The following SAV1 variants were observed in gnomAD, a reference collection of about 807,000 sequenced individuals.
The protein encoded by SAV1 is protein salvador homolog 1.
In SAV1, 23 loss-of-function variants were observed where a neutral mutation model predicts 47.3. That is an observed-to-expected ratio of 0.49 (90% CI 0.35 to 0.69). The LOEUF is 0.69. SAV1 is among the 30% of genes least tolerant of loss of function. The pLI is 0.01. For synonymous variants in SAV1, 155 were observed against 159.2 expected (o/e 0.97, Z 0.20); for missense variants, 448 against 457.4 (o/e 0.98, Z 0.19).
chr14:50,648,646 C>T (rs146935162), intron 2 of SAV1, among the ~76,000 whole-genome samples: 7,479 of 151,902 alleles, frequency 0.049, 196 homozygotes, highest in African/African-American at 0.068. Flanking sequence ...GGCGTGGTGG[C>T]GGGCGCCTGT....
chr14:50,666,312 T>C (rs558750424), intron 1 of SAV1, among the ~76,000 whole-genome samples: 6 of 152,248 alleles, frequency 3.9e-5, no homozygotes, highest in African/African-American at 1.2e-4. Context: ...TTCAAAATAG[T>C]AGATAATAGA....
intron 2 of SAV1, among the ~76,000 whole-genome samples, chr14:50,646,768 G>T (rs1285551557): frequency 6.6e-6 from 1 of 151,514 alleles, no homozygotes; most frequent in African/African-American, 2.4e-5. Flanking sequence ...TATACTGAAA[G>T]GCAAAAGAGA....
chr14:50,665,504 G>T lies in SAV1; in HGVS notation c.210C>A (p.Asn70Lys), dbSNP rs768215857. ...GAATTGGAGTTCTAAGGAAACTCTGGTTTCTTGAAACTACATCTCCAGAAG... is the reference window on the plus strand; with the variant it reads ...GAATTGGAGTTCTAAGGAAACTCTGTTTTCTTGAAACTACATCTCCAGAAG... The part of the protein sequence containing the change: ...FSTSGDVVSR[N>K]QSFLRTPIQR... The change falls in exon 2 of 5, where the codon AAC (asparagine) becomes AAA (lysine). Residue 70 changes from asparagine (N) to lysine (K), a missense_variant. Physicochemically the swap from Asn to Lys is moderately conservative, Grantham distance 94. Transcript: ENST00000324679. 3.4e-5 allele frequency: 55 copies of T among 1,613,864 alleles called. No homozygotes were observed. The South Asian group carries it at 5.6e-4, about 16-fold the overall frequency.
intron 3 of SAV1, among the ~76,000 whole-genome samples, chr14:50,641,972 T>C (rs1041191046): frequency 6.6e-5 from 10 of 152,112 alleles, no homozygotes; most frequent in Non-Finnish European, 1.3e-4. Flanking sequence ...TGCCCATCAA[T>C]GGTGGGCTGG....
chr14:50,637,711 T>C (rs2039647883), intron 4 of SAV1: 1 of 148,130 alleles, frequency 6.8e-6, no homozygotes. Context: ...ATCTCCTATG[T>C]CTCCCAGGCT....
intron 3 of SAV1, among the ~76,000 whole-genome samples, chr14:50,641,593 A>G (rs1232797239): frequency 2.6e-5 from 4 of 152,250 alleles, no homozygotes; most frequent in Non-Finnish European, 5.9e-5. Flanking sequence ...GTGGCCAACA[A>G]GCATATGAGA....
intron 4 of SAV1, among the ~76,000 whole-genome samples, chr14:50,640,438 A>G (rs1352845934): frequency 6.6e-6 from 1 of 152,136 alleles, no homozygotes; most frequent in East Asian, 1.9e-4. Context: ...TACTTTTATC[A>G]CAAGTACTGT....
Position 50,635,107 on chromosome 14 carries a change from G to A in SAV1, c.*76C>T. On this transcript the variant is annotated 3_prime_UTR_variant, in exon 5 of 5. Transcript: ENST00000324679. ...CAAAGGAAGCAGCATTTATTAACCA[G>A]AGTACTTGTTTGCAATTTTTTATCT... 1.0e-6 allele frequency: 1 copy of A among 989,510 alleles called. No homozygotes were observed. Among genetic ancestry groups the A allele is most frequent in the Non-Finnish European group, 1.6e-6 (1 of 636,068 alleles). The allele number at this position is 989,510 out of a possible 1,614,324, so 61.3% of individuals were successfully genotyped here.
intron 2 of SAV1, among the ~76,000 whole-genome samples, chr14:50,652,336 A>C (rs2039776126): frequency 6.6e-6 from 1 of 152,244 alleles, no homozygotes; most frequent in Non-Finnish European, 1.5e-5. Flanking sequence ...AGAAAGCAAC[A>C]AAACATATTT....
At chr14:50,638,232 C>T (rs2039652506) in intron 4 of SAV1, among the ~76,000 whole-genome samples, 2 of 152,284 alleles carry the variant, frequency 1.3e-5, no homozygotes, top group South Asian at 4.1e-4. Flanking sequence ...AGTATAAACT[C>T]CCATTCTTTC....
intron 2 of SAV1, among the ~76,000 whole-genome samples, chr14:50,660,988 C>T (rs1187779932): frequency 2.0e-5 from 3 of 152,174 alleles, no homozygotes; most frequent in African/African-American, 4.8e-5. Flanking sequence ...GTGGAACTGC[C>T]GGATCATATG....
rs1057019 is a variant in SAV1, at chr14:50,664,816, C to T, written c.535+363G>A. The T allele has an allele frequency of 1.5e-3, 241 of 160,678 alleles. 8 individuals are homozygous for T. The South Asian group carries it at 0.043, about 28-fold the overall frequency. 10.0% of individuals were successfully genotyped at this position (160,678 alleles called of 1,614,324 possible). A position where few individuals can be genotyped will look rare whatever the true frequency, so the allele number is the denominator to read the frequency against. Reference sequence around the variant, plus strand: ...GTTTGTCAAGTGTCTCTGAGGACTCCGTCAAGTGTCTCTGAAGACTTACCC... The same window carrying T: ...GTTTGTCAAGTGTCTCTGAGGACTCTGTCAAGTGTCTCTGAAGACTTACCC... On this transcript the variant is annotated intron_variant, in intron 2 of 4. Coordinates refer to ENST00000324679, the MANE Select transcript of SAV1 (RefSeq NM_021818.4).
chr14:50,645,499 A>T (rs2039714551), intron 2 of SAV1, among the ~76,000 whole-genome samples: 1 of 152,194 alleles, frequency 6.6e-6, no homozygotes, highest in Non-Finnish European at 1.5e-5. Context: ...TATGAAATAT[A>T]AATGAATTTC....
At chr14:50,640,935 A>G in intron 3 of SAV1, 42 bp from the exon 4 acceptor site, 6 of 1,526,422 alleles carry the variant, frequency 3.9e-6, no homozygotes, top group Non-Finnish European at 5.3e-6. Context: ...AAAGGTCTTA[A>G]AATCTAAACA....
At chr14:50,638,051 A>T (rs1595633602) in intron 4 of SAV1, 1 of 152,200 alleles carries the variant, frequency 6.6e-6, no homozygotes, top group East Asian at 1.9e-4. Context: ...ACAAAATCAG[A>T]TTAGAGAAAA....
chr14:50,662,923 T>C (rs2039872348), intron 2 of SAV1: 1 of 152,250 alleles, frequency 6.6e-6, no homozygotes, highest in South Asian at 2.1e-4. Context: ...TTTGTGAGCA[T>C]CTCTTAGGCA....
At chr14:50,636,836 T>C (rs749988296) in intron 4 of SAV1, among the ~76,000 whole-genome samples, 17 of 152,346 alleles carry the variant, frequency 1.1e-4, no homozygotes, top group South Asian at 2.1e-4. Flanking sequence ...GGGAAACGCA[T>C]GTTATACCCG....
At position 50,659,293 on chromosome 14, in the gene SAV1, T is replaced by C. The variant is rs74450583; in HGVS notation, c.535+5886A>G. On this transcript the variant is annotated intron_variant, in intron 2 of 4. Coordinates refer to ENST00000324679, the MANE Select transcript of SAV1 (RefSeq NM_021818.4). ...GTGTGTTCCAATAAAACTACTGTAT[T>C]GCAGGAGGCAAGTCTATCTGGCCTA... Among the ~76,000 whole-genome samples the C allele has an allele frequency of 5.5e-3, 842 of 152,320 alleles. 5 individuals are homozygous for C. Among genetic ancestry groups the C allele is most frequent in the African/African-American group, 0.02 (813 of 41,562 alleles).
At chr14:50,647,247 T>C (rs1044460868) in intron 2 of SAV1, among the ~76,000 whole-genome samples, 8 of 152,122 alleles carry the variant, frequency 5.3e-5, no homozygotes, top group Non-Finnish European at 1.0e-4. Context: ...ACTGATTAAA[T>C]TGAACTCTGT....
Sources: allele counts gnomAD v4.1 joint callset (sites outside exome capture counted in the v4.1 genomes callset), GRCh38; gene constraint gnomAD v4.1.1; transcripts MANE v1.5; gene names NCBI Gene and HGNC (gene_info 2026-07-23, HGNC 2026-07-21).